SETDB2: variants seen among roughly 807,000 people sequenced by gnomAD.
SETDB2 encodes the protein SET domain bifurcated histone lysine methyltransferase 2.
In SETDB2, 56 loss-of-function variants were observed where a neutral mutation model predicts 82.5. That is an observed-to-expected ratio of 0.68 (90% CI 0.55 to 0.85). The LOEUF is 0.85. SETDB2 is among the 40% of genes least tolerant of loss of function. The pLI, the probability that SETDB2 is intolerant of heterozygous loss-of-function variation, is 0.00. For missense variants in SETDB2, 677 were observed against 816.4 expected (o/e 0.83, Z 2.08); for synonymous variants, 272 against 284.9 (o/e 0.95, Z 0.46).
At chr13:49,446,299 G>C (rs1957685306) in intron 1 of SETDB2, 1 of 449,896 alleles carries the variant, frequency 2.2e-6, no homozygotes, top group African/African-American at 2.0e-5. Context: ...TGCGTGTCAA[G>C]GTTATACTTA....
At chr13:49,478,927 A>G (rs9526564) in intron 6 of SETDB2, among the ~76,000 whole-genome samples, 119,214 of 151,974 alleles carry the variant, frequency 0.78, 47,570 homozygotes, top group African/African-American at 0.93. Flanking sequence ...ACCCCTTCTC[A>G]AAAAAGAAAA....
At chr13:49,446,403 G>A (rs1480073624) in intron 1 of SETDB2, 2 of 456,206 alleles carry the variant, frequency 4.4e-6, no homozygotes, top group Admixed American at 2.4e-5. Flanking sequence ...TACAAGGAAT[G>A]TTCCCTCACT....
chr13:49,475,407 A>G (rs1229224654), intron 5 of SETDB2, among the ~76,000 whole-genome samples: 1 of 152,164 alleles, frequency 6.6e-6, no homozygotes, highest in African/African-American at 2.4e-5. Context: ...ACACCTAAAG[A>G]TAGAAAATTC....
At chr13:49,457,908 C>T (rs1594136472) in intron 2 of SETDB2, among the ~76,000 whole-genome samples, 1 of 152,262 alleles carries the variant, frequency 6.6e-6, no homozygotes. Flanking sequence ...CAAAATACAT[C>T]TCAATGTCCA....
intron 2 of SETDB2, among the ~76,000 whole-genome samples, chr13:49,457,520 G>A (rs1461110002): frequency 3.4e-5 from 5 of 148,152 alleles, no homozygotes; most frequent in East Asian, 2.0e-4. Flanking sequence ...TGTAACCTCC[G>A]CCTCCTAGGT....
rs1957623101 is a variant in SETDB2, at chr13:49,444,670, G to GA, written c.-527dup. ...GCACCCAAGTGCAGTCCTGGCTGCA[G>GA]AAGGGGCCGCGGGCGCACTGAGTTT... On this transcript the variant is annotated 5_prime_UTR_variant, in exon 1 of 14. Transcript: ENST00000611815. 1 of 151,758 alleles carries GA rather than the reference G, an allele frequency of 6.6e-6. No homozygotes were observed. The highest frequency in any genetic ancestry group is 6.6e-5 in the Admixed American group (1 of 15,212). 9.4% of individuals were successfully genotyped at this position (151,758 alleles called of 1,614,324 possible). A position where few individuals can be genotyped will look rare whatever the true frequency, so the allele number is the denominator to read the frequency against.
At chr13:49,446,478 C>T (rs560279814) in intron 1 of SETDB2, 7 of 440,278 alleles carry the variant, frequency 1.6e-5, no homozygotes, top group South Asian at 6.5e-5. Flanking sequence ...TTAATACTTA[C>T]ACCTTTTAAT....
At chr13:49,486,932 C>T (rs565415724) in intron 11 of SETDB2, among the ~76,000 whole-genome samples, 49 of 152,128 alleles carry the variant, frequency 3.2e-4, no homozygotes, top group Non-Finnish European at 6.0e-4. Flanking sequence ...TTGGAGGAGA[C>T]ATGGCAGTTC....
intron 11 of SETDB2, 184 bp from the exon 12 acceptor site, chr13:49,488,105 TG>T: frequency 2.2e-6 from 1 of 464,862 alleles, no homozygotes; most frequent in Non-Finnish European, 2.8e-6. Flanking sequence ...CTCGTTATTG[TG>T]GGTCAGATGA....
At chr13:49,471,035 C>T (rs1958229859) in intron 5 of SETDB2, among the ~76,000 whole-genome samples, 1 of 140,222 alleles carries the variant, frequency 7.1e-6, no homozygotes, top group Non-Finnish European at 1.5e-5. Context: ...TGGCACATAG[C>T]CACAGCTCAC....
Position 49,476,866 on chromosome 13 carries a change from G to A in SETDB2, c.696G>A (p.Val232=), listed in dbSNP as rs774632105. The change falls in exon 6 of 14, where the codon GTG becomes GTA. Residue 232 remains valine, a synonymous_variant. Transcript: ENST00000611815. ...AGCAAAAAGAAGTTGTTTCTGATGT[G>A]GATATTAGCAATGGAGTGGAATCAG... is the stretch of plus-strand genomic sequence containing the variant. ...YPKQKEVVSD[V]DISNGVESVP... 6.2e-7 allele frequency: 1 copy of A among 1,614,134 alleles called. No homozygotes were observed. Among genetic ancestry groups the A allele is most frequent in the South Asian group, 1.1e-5 (1 of 91,080 alleles).
chr13:49,488,217 T>C lies in SETDB2; in HGVS notation c.1577-73T>C, dbSNP rs1392659272. On this transcript the variant is annotated intron_variant, in intron 11 of 13. Coordinates refer to ENST00000611815, the MANE Select transcript of SETDB2 (RefSeq NM_001160308.3). Reference sequence around the variant, plus strand: ...GATAATTAAAGCACCTAGCATCTAATTAGTGTTGTTAATTTCAGCACTATT... The same window carrying C: ...GATAATTAAAGCACCTAGCATCTAACTAGTGTTGTTAATTTCAGCACTATT... 4.0e-6 allele frequency: 6 copies of C among 1,502,350 alleles called. No homozygotes were observed. The African/African-American group carries it at 4.2e-5, about 10-fold the overall frequency. 93.1% of individuals were successfully genotyped at this position (1,502,350 alleles called of 1,614,324 possible).
intron 5 of SETDB2, among the ~76,000 whole-genome samples, chr13:49,471,939 T>A (rs367799839): frequency 0.21 from 27,531 of 130,828 alleles, 3,616 homozygotes; most frequent in Non-Finnish European, 0.3. Flanking sequence ...TATATATTTT[T>A]TTTTTTTTTT....
intron 4 of SETDB2, among the ~76,000 whole-genome samples, chr13:49,465,885 GC>G (rs1958102331): frequency 6.6e-6 from 1 of 152,154 alleles, no homozygotes; most frequent in Non-Finnish European, 1.5e-5. Flanking sequence ...TGTAAGGGTA[GC>G]CATCTGAGGA....
chr13:49,489,508 A>T (rs1489087389), intron 12 of SETDB2: 4 of 151,684 alleles, frequency 2.6e-5, no homozygotes, highest in African/African-American at 9.7e-5. Flanking sequence ...TGTTTAAAAA[A>T]AAAAAAAAAA....
Position 49,488,305 on chromosome 13 carries a change from A to T in SETDB2, c.1592A>T (p.Asn531Ile), listed in dbSNP as rs767834897. 6.3e-7 allele frequency: 1 copy of T among 1,586,378 alleles called. No homozygotes were observed. The highest frequency in any genetic ancestry group is 8.5e-7 in the Non-Finnish European group (1 of 1,171,634). Residue 531 changes from asparagine (N) to isoleucine (I), a missense_variant, in exon 12 of 14, where the codon AAC becomes ATC. By Grantham distance (149) the Asn-to-Ile change is moderately radical. Coordinates refer to ENST00000611815, the MANE Select transcript of SETDB2 (RefSeq NM_001160308.3). ...TKGAQKDSSSNHVDEFEDNLL... is the reference protein window; with the variant it reads ...TKGAQKDSSSIHVDEFEDNLL... ...TGTCTATTAGAGGACTCAAGTTCAA[A>T]CCATGTTGATGAGTTTGAAGATAAT... is the stretch of plus-strand genomic sequence containing the variant.
At chr13:49,483,608 AATTTT>A in intron 10 of SETDB2, 45 bp downstream of exon 10, 3 of 490,650 alleles carry the variant, frequency 6.1e-6, no homozygotes, top group South Asian at 5.3e-5. Flanking sequence ...TTCTTTTTTA[AATTTT>A]TTTTTTTTTT....
At chr13:49,479,728 G>A (rs1958442166) in intron 6 of SETDB2, among the ~76,000 whole-genome samples, 1 of 152,182 alleles carries the variant, frequency 6.6e-6, no homozygotes, top group Admixed American at 6.6e-5. Context: ...ATGGTTGCAA[G>A]CTTCCTGCCT....
In SETDB2 at chr13:49,444,545, GT is replaced by G. The variant is rs1309035794; in HGVS notation, c.-652del. On this transcript the variant is annotated 5_prime_UTR_variant, in exon 1 of 14. Coordinates refer to ENST00000611815, the MANE Select transcript of SETDB2 (RefSeq NM_001160308.3). ...GCACCGCCGTGGCTGGCCCCCGACA[GT>G]TCCTCTAGCCGGGAGGTTGGAGGAG... 6.3e-6 allele frequency: 1 copy of G among 158,506 alleles called. No individual in the cohort carries two copies. The highest frequency in any genetic ancestry group is 1.9e-4 in the East Asian group (1 of 5,260). 9.8% of individuals were successfully genotyped at this position (158,506 alleles called of 1,614,324 possible).
Sources: allele counts gnomAD v4.1 joint callset (sites outside exome capture counted in the v4.1 genomes callset), GRCh38; gene constraint gnomAD v4.1.1; transcripts MANE v1.5; gene names NCBI Gene and HGNC (gene_info 2026-07-23, HGNC 2026-07-21).